CUL7: variants seen among roughly 807,000 people sequenced by gnomAD.
The protein encoded by CUL7 is cullin 7.
A neutral mutation model predicts 177.7 loss-of-function variants in CUL7; 96 were observed. The observed-to-expected ratio is 0.54, with a 90% CI of 0.46 to 0.64. CUL7 has a LOEUF of 0.64. Ranked by LOEUF, CUL7 falls within the 30% of genes least tolerant of loss-of-function variation. CUL7 has a pLI of 0.00. For synonymous variants in CUL7, 824 were observed against 890.2 expected, an observed-to-expected ratio of 0.93 and a Z score of 1.32; for missense variants, 1,893 against 2,187.9, an observed-to-expected ratio of 0.87 and a Z score of 2.69.
At position 43,048,225 on chromosome 6, in the gene CUL7, CG is replaced by C. The variant is rs1764086723; in HGVS notation, c.2091del (p.Glu698ArgfsTer31). 1.2e-6 allele frequency: 2 copies of C among 1,613,868 alleles called. No individual in the cohort carries two copies. Among genetic ancestry groups the C allele is most frequent in the African/African-American group, 1.3e-5 (1 of 74,916 alleles). On this transcript the variant is annotated frameshift_variant, in exon 9 of 26. Transcript: ENST00000265348. LOFTEE classifies it high-confidence loss of function. ...TCGTGCCAGGGGAGCAGCAGTGCCT[CG>C]GGGAAGTCCACCAGCTGCTTCAGGA... ...LRILKQLVDFPEALLLPWHEA... is the reference protein window; with the variant it reads ...LRILKQLVDFXEALLLPWHEA...
In CUL7 at chr6:43,038,791, G is replaced by A. The variant is rs1207030078; in HGVS notation, c.4440+51C>T. 2.5e-6 allele frequency: 4 copies of A among 1,613,944 alleles called. No individual in the cohort carries two copies. In the East Asian group the frequency reaches 6.7e-5, roughly 27 times the overall value. On this transcript the variant is annotated intron_variant, in intron 23 of 25. Coordinates refer to ENST00000265348, the MANE Select transcript of CUL7 (RefSeq NM_014780.5). ...AGGGAGTCAAGGTTTTGGGAAGAGA[G>A]GCAAGGGACAAAGTGGGAGACAGGA...
At position 43,039,069 on chromosome 6, in the gene CUL7, C is replaced by T. The variant is rs1763194077; in HGVS notation, c.4295-82G>A. ...GGAGGGAGGGTGCACGCTGGTCACGCTCTGTTTATCTCTGCAAGGCGTGTG... is the reference window on the plus strand; with the variant it reads ...GGAGGGAGGGTGCACGCTGGTCACGTTCTGTTTATCTCTGCAAGGCGTGTG... On this transcript the variant is annotated intron_variant, in intron 22 of 25. Coordinates refer to ENST00000265348, the MANE Select transcript of CUL7 (RefSeq NM_014780.5). The T allele has an allele frequency of 9.1e-6, 8 of 877,842 alleles. No homozygotes were observed. The Admixed American group carries it at 1.4e-4, about 16-fold the overall frequency. 54.4% of individuals were successfully genotyped at this position (877,842 alleles called of 1,614,324 possible).
Position 43,050,891 on chromosome 6 carries a change from C to T in CUL7, c.1233+77G>A, listed in dbSNP as rs185236150. The T allele has an allele frequency of 5.5e-3, 8,584 of 1,560,090 alleles. 38 individuals are homozygous for T. The highest frequency in any genetic ancestry group is 6.7e-3 in the Non-Finnish European group (7,688 of 1,140,928). On this transcript the variant is annotated intron_variant, in intron 4 of 25. Transcript: ENST00000265348. The surrounding 1 kb of genome is among the most constrained non-coding windows in gnomAD (Gnocchi z 4.1). ...TTCTCTTTGGGTGGCCTGCTGGAGCCCCCCCATATAGAAGTCCCAGCTCTG... is the reference window on the plus strand; with the variant it reads ...TTCTCTTTGGGTGGCCTGCTGGAGCTCCCCCATATAGAAGTCCCAGCTCTG...
Position 43,051,037 on chromosome 6 carries a change from A to C in CUL7, c.1164T>G (p.Asp388Glu), listed in dbSNP as rs1764352848. The C allele has an allele frequency of 6.2e-7, 1 of 1,613,980 alleles. No individual in the cohort carries two copies. Among genetic ancestry groups the C allele is most frequent in the Non-Finnish European group, 8.5e-7 (1 of 1,179,952 alleles). Residue 388 changes from aspartate to glutamate, a missense_variant, in exon 4 of 26, where the codon GAT becomes GAG. By Grantham distance (45) the Asp-to-Glu change is conservative (BLOSUM62 2). Around this residue, in one of 5 missense-constraint regions of CUL7, gnomAD observed 653 missense variants for 725.2 expected, o/e 0.90. Transcript: ENST00000265348. This position sits in a 1 kb window ranked among gnomAD's most constrained non-coding sequence, Gnocchi z 5.0. The stretch of plus-strand genomic sequence containing the variant: ...CATCCCCGGCACTGATCTCCTCATA[A>C]TCATCCAGCATCCGCACTCGCATCC... ...QPGMRVRMLD[D>E]YEEISAGDEG...
chr6:43,046,445 G>T (rs1394505439), intron 11 of CUL7, 38 bp from the exon 12 acceptor site: 1 of 1,614,196 alleles, frequency 6.2e-7, no homozygotes, highest in Admixed American at 1.7e-5. Flanking sequence ...TCACGGTCAG[G>T]TAGGGTGTAG....
Position 43,053,832 on chromosome 6 carries a change from C to G in CUL7, c.-219G>C, listed in dbSNP as rs1290847103. 6.5e-7 allele frequency: 1 copy of G among 1,532,822 alleles called. No individual in the cohort carries two copies. The highest frequency in any genetic ancestry group is 1.2e-5 in the South Asian group (1 of 83,944). 95.0% of individuals were successfully genotyped at this position (1,532,822 alleles called of 1,614,324 possible). On this transcript the variant is annotated 5_prime_UTR_variant, in exon 1 of 26. Coordinates refer to ENST00000265348, the MANE Select transcript of CUL7 (RefSeq NM_014780.5). The surrounding 1 kb of genome is among the most constrained non-coding windows in gnomAD (Gnocchi z 4.1). ...GGTGGGGCCCGGTCCCTGCCAGCGG[C>G]TCCGCCAGCCAAAAGCCACGGCTCA...
At position 43,045,198 on chromosome 6, in the gene CUL7, C is replaced by T. The variant is rs1561882473; in HGVS notation, c.3038+29G>A. ...GCAATAGCCTTACCTTTCCCACAGA[C>T]ACAAGCATACACGCACACTCTCACA... On this transcript the variant is annotated intron_variant, in intron 15 of 25. Coordinates refer to ENST00000265348, the MANE Select transcript of CUL7 (RefSeq NM_014780.5). The surrounding 1 kb of genome is among the most constrained non-coding windows in gnomAD (Gnocchi z 4.8). 6.2e-7 allele frequency: 1 copy of T among 1,607,384 alleles called. No homozygotes were observed.
Position 43,038,400 on chromosome 6 carries a change from T to G in CUL7, c.4640A>C (p.Gln1547Pro). The G allele has an allele frequency of 6.2e-7, 1 of 1,614,202 alleles. No individual in the cohort carries two copies. Among genetic ancestry groups the G allele is most frequent in the Non-Finnish European group, 8.5e-7 (1 of 1,180,038 alleles). ...RWDIVRLIPP[Q>P]TYLQAEGEDG... is the part of the protein sequence containing the mutation. ...TTCACCCTCAGCTTGCAGGTACGTCTGAGGTGGGATGAGCCGCACAATGTC... is the reference window on the plus strand; with the variant it reads ...TTCACCCTCAGCTTGCAGGTACGTCGGAGGTGGGATGAGCCGCACAATGTC... Residue 1547 changes from glutamine to proline, a missense_variant, in exon 25 of 26, where the codon CAG (glutamine) becomes CCG (proline). Coordinates refer to ENST00000265348, the MANE Select transcript of CUL7 (RefSeq NM_014780.5).
chr6:43,051,326 A>G lies in CUL7; in HGVS notation c.875T>C (p.Leu292Pro). The change falls in exon 4 of 26, where the codon CTG becomes CCG. Residue 292 changes from leucine (L) to proline (P), a missense_variant. Coordinates refer to ENST00000265348, the MANE Select transcript of CUL7 (RefSeq NM_014780.5). This position sits in a 1 kb window ranked among gnomAD's most constrained non-coding sequence, Gnocchi z 5.0. The part of the protein sequence containing the change: ...PEELSGERGQ[L>P]ELEFSMAMGT... ...CATGGCCATACTGAACTCCAGCTCC[A>G]GTTGACCCCTCTCCCCACTCAACTC... The G allele has an allele frequency of 6.2e-7, 1 of 1,610,672 alleles. No homozygotes were observed. The highest frequency in any genetic ancestry group is 8.5e-7 in the Non-Finnish European group (1 of 1,177,622).
Position 43,051,657 on chromosome 6 carries a change from C to T in CUL7, c.687G>A (p.Thr229=), listed in dbSNP as rs192945321. The part of the protein sequence containing the change: ...CALLALFAQA[T]LSEHPMSFEG... ...CGAAAGACATGGGGTGTTCAGAGAGCGTGGCCTGTGCAAACAGTGCTAGCA... is the reference window on the plus strand; with the variant it reads ...CGAAAGACATGGGGTGTTCAGAGAGTGTGGCCTGTGCAAACAGTGCTAGCA... Residue 229 remains threonine (T), a synonymous_variant, in exon 3 of 26, where the codon ACG becomes ACA. Coordinates refer to ENST00000265348, the MANE Select transcript of CUL7 (RefSeq NM_014780.5). This position sits in a 1 kb window ranked among gnomAD's most constrained non-coding sequence, Gnocchi z 5.0. 1.4e-4 allele frequency: 221 copies of T among 1,614,168 alleles called. 2 individuals carry two copies. The Middle Eastern group carries it at 1.6e-3, about 12-fold the overall frequency.
Position 43,047,214 on chromosome 6 carries a change from G to T in CUL7, c.2170-107C>A, listed in dbSNP as rs193232069. On this transcript the variant is annotated intron_variant, in intron 9 of 25. Coordinates refer to ENST00000265348, the MANE Select transcript of CUL7 (RefSeq NM_014780.5). ...GTACTCTGTGTACTGGGTGCTAGGG[G>T]TGCTACAGTGAGCAAGGCAGAGTGA... The T allele has an allele frequency of 8.1e-6, 6 of 740,812 alleles. No homozygotes were observed. The East Asian group carries it at 1.5e-4, about 19-fold the overall frequency. 45.9% of individuals were successfully genotyped at this position (740,812 alleles called of 1,614,324 possible).
chr6:43,052,830 TAGAGGAAGG>T lies in CUL7; in HGVS notation c.-8-43_-8-35del, dbSNP rs753375578. 1 of 1,588,964 alleles carries T rather than the reference TAGAGGAAGG, an allele frequency of 6.3e-7. No homozygotes were observed. The highest frequency in any genetic ancestry group is 8.5e-7 in the Non-Finnish European group (1 of 1,173,476). On this transcript the variant is annotated intron_variant, in intron 1 of 25. Coordinates refer to ENST00000265348, the MANE Select transcript of CUL7 (RefSeq NM_014780.5). The surrounding 1 kb of genome is among the most constrained non-coding windows in gnomAD (Gnocchi z 4.5). ...CACAAGGAAAAGAGAACAGACAAGC[TAGAGGAAGG>T]AGAGGTCAGAAAATCAAAGATATCC...
chr6:43,037,813 CAG>C lies in CUL7; in HGVS notation c.4970_4971del (p.Thr1657ArgfsTer?). 6.2e-7 allele frequency: 1 copy of C among 1,610,022 alleles called. No homozygotes were observed. The highest frequency in any genetic ancestry group is 8.5e-7 in the Non-Finnish European group (1 of 1,178,252). ...AVPVTVMEPH[T>X]ESLNPGSSGP... ...CCTGAGGAGCCTGGGTTCAGGGACT[CAG>C]TGTGAGGCTCCATGACAGTCACAGG... On this transcript the variant is annotated frameshift_variant, in exon 26 of 26. Coordinates refer to ENST00000265348, the MANE Select transcript of CUL7 (RefSeq NM_014780.5). LOFTEE classifies it high-confidence loss of function.
chr6:43,053,755 T>C lies in CUL7; in HGVS notation c.-142A>G, dbSNP rs1336347278. ...CGAGACGGAGAGACGGGAGGGGGCG[T>C]GCCTCCGCGGAACAGAGCTGCACCC... On this transcript the variant is annotated 5_prime_UTR_variant, in exon 1 of 26. Coordinates refer to ENST00000265348, the MANE Select transcript of CUL7 (RefSeq NM_014780.5). The surrounding 1 kb of genome is among the most constrained non-coding windows in gnomAD (Gnocchi z 4.1). The C allele has an allele frequency of 1.3e-6, 2 of 1,500,654 alleles. No homozygotes were observed. The highest frequency in any genetic ancestry group is 1.8e-6 in the Non-Finnish European group (2 of 1,127,442). The allele number at this position is 1,500,654 out of a possible 1,614,324, so 93.0% of individuals were successfully genotyped here. A position where few individuals can be genotyped will look rare whatever the true frequency, so the allele number is the denominator to read the frequency against.
chr6:43,046,689 C>A, intron 10 of CUL7, 88 bp from the exon 11 acceptor site: 1 of 1,569,124 alleles, frequency 6.4e-7, no homozygotes, highest in Non-Finnish European at 8.7e-7. Context: ...AGAGACCATG[C>A]AGCAGTGGGA....
rs188565648 is a variant in CUL7, at chr6:43,047,048, G to C, written c.2229C>G (p.Ala743=). The C allele has an allele frequency of 2.1e-4, 343 of 1,613,374 alleles. 1 individual carries two copies. In the Admixed American group the frequency reaches 2.1e-3, roughly 10 times the overall value. ...HRLTSVSRDY[A]VVLNQLGARD... ...TTGCTCCCAGCTGATTCAGCACCAC[G>C]GCATAGTCCCTGCTCACTGAGGTCA... The change falls in exon 10 of 26, where the codon GCC becomes GCG. Residue 743 remains alanine (A), a synonymous_variant. Transcript: ENST00000265348.
Position 43,045,848 on chromosome 6 carries a change from G to A in CUL7, c.2766+138C>T. On this transcript the variant is annotated intron_variant, in intron 13 of 25. Transcript: ENST00000265348. This position sits in a 1 kb window ranked among gnomAD's most constrained non-coding sequence, Gnocchi z 4.8. The stretch of plus-strand genomic sequence containing the variant: ...CATTGTTCAGGGCCTGGTGGCACAA[G>A]CACAGGGATAAAGGACACTACTTTC... The A allele has an allele frequency of 9.3e-7, 1 of 1,070,022 alleles. No individual in the cohort carries two copies. Among genetic ancestry groups the A allele is most frequent in the South Asian group, 1.3e-5 (1 of 75,236 alleles). The allele number at this position is 1,070,022 out of a possible 1,614,324, so 66.3% of individuals were successfully genotyped here. A position where few individuals can be genotyped will look rare whatever the true frequency, so the allele number is the denominator to read the frequency against.
Position 43,040,499 on chromosome 6 carries a change from C to T in CUL7, c.4023+31G>A. The T allele has an allele frequency of 1.2e-6, 2 of 1,613,454 alleles. No homozygotes were observed. The highest frequency in any genetic ancestry group is 1.7e-6 in the Non-Finnish European group (2 of 1,180,018). On this transcript the variant is annotated intron_variant, in intron 21 of 25. Transcript: ENST00000265348. This position sits in a 1 kb window ranked among gnomAD's most constrained non-coding sequence, Gnocchi z 4.2. The stretch of plus-strand genomic sequence containing the variant: ...TCCACGCCCCTCTTCCCCCTACCCT[C>T]TTATTTGCTTATCCCTTCCAAGGCA...
Position 43,037,813 on chromosome 6 carries a change from C to T in CUL7, c.4972G>A (p.Glu1658Lys), listed in dbSNP as rs143717016. The stretch of plus-strand genomic sequence containing the variant: ...CCTGAGGAGCCTGGGTTCAGGGACT[C>T]AGTGTGAGGCTCCATGACAGTCACA... ...VPVTVMEPHTESLNPGSSGPN... is the reference protein window; with the variant it reads ...VPVTVMEPHTKSLNPGSSGPN... The change falls in exon 26 of 26, where the codon GAG (glutamate) becomes AAG (lysine). Residue 1658 changes from glutamate (E) to lysine (K), a missense_variant. Transcript: ENST00000265348. 6.0e-5 allele frequency: 96 copies of T among 1,610,022 alleles called. No homozygotes were observed. Among genetic ancestry groups the T allele is most frequent in the Non-Finnish European group, 7.1e-5 (84 of 1,178,252 alleles).
Sources: allele counts gnomAD v4.1 joint callset, GRCh38; gene constraint gnomAD v4.1.1; regional missense constraint gnomAD v4.1.1; non-coding constraint Gnocchi (gnomAD v3.1); transcripts MANE v1.5; gene names NCBI Gene and HGNC (gene_info 2026-07-23, HGNC 2026-07-21).